The following NFAM1 variants were observed in gnomAD, a reference collection of about 807,000 sequenced individuals.
NFAM1 encodes the protein NFAT activating protein with ITAM motif 1, also known as NFAT activation molecule 1.
A neutral mutation model predicts 29.0 loss-of-function variants in NFAM1; 17 were observed. That is an observed-to-expected ratio of 0.59 (90% CI 0.40 to 0.88). The LOEUF (loss-of-function observed/expected upper bound fraction) is 0.88. NFAM1 is among the 40% of genes least tolerant of loss of function. NFAM1 has a pLI of 0.00. For synonymous variants in NFAM1, 175 were observed against 147.2 expected, an observed-to-expected ratio of 1.19 and a Z score of -1.36; for missense variants, 324 against 344.6, an observed-to-expected ratio of 0.94 and a Z score of 0.47.
At chr22:42,408,879 C>A (rs911348291) in intron 3 of NFAM1, among the ~76,000 whole-genome samples, 8 of 152,226 alleles carry the variant, frequency 5.3e-5, no homozygotes, top group African/African-American at 1.7e-4. Context: ...TACTATGCGA[C>A]CCTGGGCAAA....
At chr22:42,410,596 T>C (rs1930049449) in intron 2 of NFAM1, 1 of 238,374 alleles carries the variant, frequency 4.2e-6, no homozygotes, top group Non-Finnish European at 8.8e-6. Context: ...GAGGCAGAGA[T>C]TGCAGTGAGC....
intron 1 of NFAM1, among the ~76,000 whole-genome samples, chr22:42,431,781 CCT>C (rs1930806199): frequency 1.3e-5 from 2 of 150,756 alleles, no homozygotes; most frequent in African/African-American, 4.9e-5. Flanking sequence ...GGTATCCCCC[CCT>C]CCCCCCTCTC....
intron 3 of NFAM1, among the ~76,000 whole-genome samples, chr22:42,398,682 G>A (rs1929621087): frequency 6.6e-6 from 1 of 152,114 alleles, no homozygotes; most frequent in Non-Finnish European, 1.5e-5. Flanking sequence ...CAAAATGCTG[G>A]GATTACAGGT....
intron 3 of NFAM1, among the ~76,000 whole-genome samples, chr22:42,405,237 TG>T (rs1024411556): frequency 6.6e-6 from 1 of 152,114 alleles, no homozygotes; most frequent in African/African-American, 2.4e-5. Context: ...GCTCAGCAAA[TG>T]GGGGGCTCAA....
At chr22:42,398,081 C>A in intron 3 of NFAM1, 125 bp from the exon 4 acceptor site, 1 of 581,970 alleles carries the variant, frequency 1.7e-6, no homozygotes, top group South Asian at 2.1e-5. Context: ...CTCAGTCCCT[C>A]CCACTCACCC....
chr22:42,393,606 C>T (rs184442062), intron 4 of NFAM1, among the ~76,000 whole-genome samples: 37 of 146,272 alleles, frequency 2.5e-4, no homozygotes, highest in Admixed American at 4.8e-4. Flanking sequence ...TTAGTAGAGA[C>T]GGGGTTTCAG....
chr22:42,435,183 TTAAAG>T (rs988087571), upstream of NFAM1, among the ~76,000 whole-genome samples: 4 of 151,986 alleles, frequency 2.6e-5, no homozygotes, highest in African/African-American at 7.3e-5. Context: ...AACAGGGAGG[TTAAAG>T]TAATTTCTGA....
rs1929223249 is a variant in NFAM1 at position 42,388,401 on chromosome 22, T to C, written c.664-1323A>G. On this transcript the variant is annotated intron_variant, in intron 4 of 5. Transcript: ENST00000329021. This position sits in a 1 kb window ranked among gnomAD's most constrained non-coding sequence, Gnocchi z 4.1. ...TGCTGTTGAATGGTCAAGAGAAGCA[T>C]GAGGCCTGCCCACCTCCCCTCTCTG... Among the ~76,000 whole-genome samples the C allele has an allele frequency of 6.6e-6, 1 of 152,162 alleles. No homozygotes were observed.
intron 4 of NFAM1, among the ~76,000 whole-genome samples, chr22:42,387,704 C>CT (rs1036634387): frequency 6.6e-6 from 1 of 152,096 alleles, no homozygotes; most frequent in African/African-American, 2.4e-5. Context: ...CCTCATCCCC[C>CT]TTGCCTGTCA....
intron 5 of NFAM1, 75 bp downstream of exon 5, chr22:42,386,914 G>A: frequency 2.6e-6 from 2 of 780,962 alleles, no homozygotes; most frequent in East Asian, 2.9e-5. Context: ...TGTCCCATTT[G>A]CCCCCCCACT....
At chr22:42,429,449 C>G (rs1930726482) in intron 1 of NFAM1, among the ~76,000 whole-genome samples, 1 of 152,056 alleles carries the variant, frequency 6.6e-6, no homozygotes, top group African/African-American at 2.4e-5. Context: ...AAACCTGACT[C>G]TACTAAAAAT....
At chr22:42,416,726 C>G (rs1184729181) in intron 1 of NFAM1, among the ~76,000 whole-genome samples, 2 of 152,208 alleles carry the variant, frequency 1.3e-5, no homozygotes, top group East Asian at 1.9e-4. Flanking sequence ...GAGCAGTATT[C>G]CCTGAGTGAG....
At position 42,417,717 on chromosome 22, in the gene NFAM1, C is replaced by T. The variant is rs1204453092; in HGVS notation, c.122-5981G>A. 2.0e-5 allele frequency among the ~76,000 whole-genome samples: 3 copies of T among 152,212 alleles called. No homozygotes were observed. In the East Asian group the frequency reaches 5.8e-4, roughly 30 times the overall value. Reference sequence around the variant, plus strand: ...TTTGGCCCAGGGGGAGTTTTCTGAACAGGAGCTTCTTGAACCTGCTGAATG... The same window carrying T: ...TTTGGCCCAGGGGGAGTTTTCTGAATAGGAGCTTCTTGAACCTGCTGAATG... On this transcript the variant is annotated intron_variant, in intron 1 of 5. Coordinates refer to ENST00000329021, the MANE Select transcript of NFAM1 (RefSeq NM_145912.8).
In NFAM1 at chr22:42,382,803, C is replaced by G. The variant is rs998255970; in HGVS notation, c.*2358G>C. 6.5e-6 allele frequency: 1 copy of G among 154,416 alleles called. No individual in the cohort carries two copies. Among genetic ancestry groups the G allele is most frequent in the East Asian group, 1.9e-4 (1 of 5,242 alleles). The allele number at this position is 154,416 out of a possible 1,614,324, so 9.6% of individuals were successfully genotyped here. A position where few individuals can be genotyped will look rare whatever the true frequency, so the allele number is the denominator to read the frequency against. On this transcript the variant is annotated 3_prime_UTR_variant, in exon 6 of 6. Coordinates refer to ENST00000329021, the MANE Select transcript of NFAM1 (RefSeq NM_145912.8). Reference sequence around the variant, plus strand: ...CGTCCTTTCATGCTGTGCTCTCCTCCTCCTCCTCCTCCTCCCTGCCTCTCT... The same window carrying G: ...CGTCCTTTCATGCTGTGCTCTCCTCGTCCTCCTCCTCCTCCCTGCCTCTCT...
chr22:42,426,991 G>C (rs575915010), intron 1 of NFAM1, among the ~76,000 whole-genome samples: 1 of 152,218 alleles, frequency 6.6e-6, no homozygotes, highest in East Asian at 1.9e-4. Flanking sequence ...GGGGGGGCTC[G>C]TGGAGGTTCA....
rs192249179 is a variant in NFAM1 at position 42,430,704 on chromosome 22, T to C, written c.121+1533A>G. ...TGTTGCAATACCGGGTGGGAGGGGG[T>C]GGCACTGGGAATGTTTTGTTATAGT... is the stretch of plus-strand genomic sequence containing the variant. On this transcript the variant is annotated intron_variant, in intron 1 of 5. Transcript: ENST00000329021. Among the ~76,000 whole-genome samples the C allele has an allele frequency of 2.4e-4, 37 of 151,498 alleles. No individual in the cohort carries two copies. The East Asian group carries it at 5.3e-3, about 22-fold the overall frequency.
intron 4 of NFAM1, among the ~76,000 whole-genome samples, chr22:42,389,282 G>A (rs1929252706): frequency 6.6e-6 from 1 of 152,192 alleles, no homozygotes; most frequent in Admixed American, 6.5e-5. Flanking sequence ...AACCCATACA[G>A]TGGGGGAGTC....
intron 3 of NFAM1, among the ~76,000 whole-genome samples, chr22:42,406,391 TTG>T (rs1363355117): frequency 7.2e-5 from 11 of 152,126 alleles, no homozygotes; most frequent in Non-Finnish European, 1.0e-4. Context: ...ACCCCCTTCC[TTG>T]TATCACATAG....
chr22:42,401,235 G>T (rs1216531132), intron 3 of NFAM1, among the ~76,000 whole-genome samples: 2 of 152,226 alleles, frequency 1.3e-5, no homozygotes, highest in East Asian at 1.9e-4. Context: ...GTCTAAGAAG[G>T]TATCTTAGAC....
Sources: gnomAD v4.1 joint callset for allele counts (sites outside exome capture counted in the v4.1 genomes callset) on GRCh38, gnomAD v4.1.1 for gene constraint, Gnocchi (gnomAD v3.1) non-coding constraint, MANE v1.5 for transcripts, NCBI Gene and HGNC (gene_info 2026-07-23, HGNC 2026-07-21) for gene names.